ICA1: variants seen among roughly 807,000 people sequenced by gnomAD.
ICA1 encodes the protein 69 kDa islet cell autoantigen.
ICA1 carries 40 observed loss-of-function variants against 71.0 expected under a neutral mutation model. The ratio of observed to expected loss-of-function variants is 0.56; its 90% CI spans 0.44 to 0.73. The LOEUF (loss-of-function observed/expected upper bound fraction) is 0.73. Among genes scored for constraint, ICA1 ranks in the 30% least tolerant of loss-of-function variants. The pLI is 0.00. For synonymous variants in ICA1, 207 were observed against 209.5 expected (o/e 0.99, Z 0.10); for missense variants, 578 against 576.5 (o/e 1.00, Z -0.03).
At chr7:8,179,913 C>G (rs1347744735) in intron 6 of ICA1, among the ~76,000 whole-genome samples, 1 of 152,050 alleles carries the variant, frequency 6.6e-6, no homozygotes, top group African/African-American at 2.4e-5. Flanking sequence ...TTCTAAGTAA[C>G]CATGTTGCTA....
At chr7:8,141,499 C>T (rs912487658) in intron 10 of ICA1, among the ~76,000 whole-genome samples, 7 of 152,184 alleles carry the variant, frequency 4.6e-5, no homozygotes, top group Non-Finnish European at 8.8e-5. Context: ...CAGTTCCCAT[C>T]GTGGCTGCCC....
rs1779513836 is a variant in ICA1, at chr7:8,173,461, C to T, written c.580-14809G>A. On this transcript the variant is annotated intron_variant, in intron 6 of 13. Transcript: ENST00000402384. This position sits in a 1 kb window ranked among gnomAD's most constrained non-coding sequence, Gnocchi z 4.0. ...ACAAATCAACAGAAAAACAAACAAA[C>T]AAAACCCTCACTGGGCACCTGTAGA... 6.6e-6 allele frequency among the ~76,000 whole-genome samples: 1 copy of T among 152,098 alleles called. No individual in the cohort carries two copies. Among genetic ancestry groups the T allele is most frequent in the Non-Finnish European group, 1.5e-5 (1 of 67,990 alleles).
At chr7:8,211,514 A>T (rs1328773074) in intron 6 of ICA1, among the ~76,000 whole-genome samples, 2 of 136,898 alleles carry the variant, frequency 1.5e-5, no homozygotes, top group South Asian at 2.6e-4. Context: ...TCATTTGTTC[A>T]TAGTGCTCTG....
intron 7 of ICA1, 84 bp from the exon 8 acceptor site, chr7:8,157,298 C>A (rs1354628487): frequency 6.4e-6 from 8 of 1,254,730 alleles, no homozygotes; most frequent in Non-Finnish European, 8.8e-6. Flanking sequence ...CTCTCTGTAG[C>A]TTTGAAGATT....
intron 6 of ICA1, among the ~76,000 whole-genome samples, chr7:8,212,738 C>A (rs1025727032): frequency 6.6e-6 from 1 of 152,180 alleles, no homozygotes; most frequent in South Asian, 2.1e-4. Flanking sequence ...TCTGAGGTCA[C>A]GCTCCTTCCT....
intron 1 of ICA1, among the ~76,000 whole-genome samples, chr7:8,250,938 T>G (rs556484441): frequency 6.6e-6 from 1 of 150,408 alleles, no homozygotes; most frequent in Non-Finnish European, 1.5e-5. Flanking sequence ...TCTTGCTCAG[T>G]TGCCCAGGCT....
chr7:8,114,247 C>T, intron 13 of ICA1: 2 of 569,618 alleles, frequency 3.5e-6, no homozygotes, highest in Non-Finnish European at 6.3e-6. Context: ...GGGCCTGAAG[C>T]TCCGAGAATA....
At chr7:8,117,329 C>A (rs1379989919) in intron 13 of ICA1, among the ~76,000 whole-genome samples, 1 of 152,186 alleles carries the variant, frequency 6.6e-6, no homozygotes, top group African/African-American at 2.4e-5. Context: ...TATAATGCCT[C>A]TTGTGCCCTG....
At position 8,144,928 on chromosome 7, in the gene ICA1, T is replaced by C. The variant is rs1398820671; in HGVS notation, c.805-956A>G. ...CTTGTCTGACACACATAGGAGGCAA[T>C]CAGGTTTCATGGCCAATTCTGATTG... On this transcript the variant is annotated intron_variant, in intron 8 of 13. Transcript: ENST00000402384. The surrounding 1 kb of genome is among the most constrained non-coding windows in gnomAD (Gnocchi z 4.5). 6.6e-6 allele frequency among the ~76,000 whole-genome samples: 1 copy of C among 152,142 alleles called. No homozygotes were observed. The highest frequency in any genetic ancestry group is 1.5e-5 in the Non-Finnish European group (1 of 68,032).
At chr7:8,237,071 G>A (rs1400503623) in intron 1 of ICA1, among the ~76,000 whole-genome samples, 1 of 152,228 alleles carries the variant, frequency 6.6e-6, no homozygotes, top group African/African-American at 2.4e-5. Flanking sequence ...CTTCAGGTAT[G>A]CAGACAAGAG....
rs1243877059 is a variant in ICA1, at chr7:8,253,660, T to C, written c.-80+8434A>G. On this transcript the variant is annotated intron_variant, in intron 1 of 13. Coordinates refer to ENST00000402384, the MANE Select transcript of ICA1 (RefSeq NM_001136020.3). ...AGTACATTTTTTGCTTATAATTAAA[T>C]ATAAAGAGAGAAACCTGGCATGAGA... Among the ~76,000 whole-genome samples, 5 of 152,080 alleles carry C rather than the reference T, an allele frequency of 3.3e-5. No individual in the cohort carries two copies. In the East Asian group the frequency reaches 9.6e-4, roughly 29 times the overall value.
intron 6 of ICA1, among the ~76,000 whole-genome samples, chr7:8,169,591 T>C (rs1230269335): frequency 6.6e-6 from 1 of 152,120 alleles, no homozygotes; most frequent in Non-Finnish European, 1.5e-5. Context: ...TTTGCATTTC[T>C]CTAATGACTA....
At position 8,168,658 on chromosome 7, in the gene ICA1, AT is replaced by A. The variant is rs1329449530; in HGVS notation, c.580-10007del. Reference sequence around the variant, plus strand: ...ACATAGCCTGAACAGAGCTTCTATTATCAGAAATCTTGCTAAGTTTCTTTAG... The same window carrying A: ...ACATAGCCTGAACAGAGCTTCTATTACAGAAATCTTGCTAAGTTTCTTTAG... On this transcript the variant is annotated intron_variant, in intron 6 of 13. Transcript: ENST00000402384. Among the ~76,000 whole-genome samples, 3 of 152,324 alleles carry A rather than the reference AT, an allele frequency of 2.0e-5. No homozygotes were observed. The East Asian group carries it at 5.8e-4, about 29-fold the overall frequency.
chr7:8,251,684 C>T (rs994091841), intron 1 of ICA1, among the ~76,000 whole-genome samples: 1 of 151,854 alleles, frequency 6.6e-6, no homozygotes, highest in African/African-American at 2.4e-5. Flanking sequence ...TTGGTGCTCT[C>T]CTCTGTCTCT....
intron 4 of ICA1, chr7:8,227,682 T>C (rs890235469): frequency 1.0e-4 from 43 of 424,398 alleles, no homozygotes; most frequent in Non-Finnish European, 8.9e-5. Flanking sequence ...TATAGGTCAC[T>C]GTGATCCTCC....
At chr7:8,199,063 AAATGGCCTTTAT>A (rs1788648931) in intron 6 of ICA1, among the ~76,000 whole-genome samples, 1 of 152,366 alleles carries the variant, frequency 6.6e-6, no homozygotes, top group Non-Finnish European at 1.5e-5. Flanking sequence ...ACCCCAGTTA[AAATGGCCTTTAT>A]CCAAAAGACA....
intron 6 of ICA1, among the ~76,000 whole-genome samples, chr7:8,218,041 C>CA (rs1052754099): frequency 3.3e-5 from 5 of 152,172 alleles, no homozygotes; most frequent in African/African-American, 9.7e-5. Context: ...GACAATCTTA[C>CA]AAAAAGTGCA....
rs1333879296 is a variant in ICA1, at chr7:8,251,495, A to C, written c.-80+10599T>G. Among the ~76,000 whole-genome samples, 9 of 149,932 alleles carry C rather than the reference A, an allele frequency of 6.0e-5. 1 individual carries two copies. In the Admixed American group the frequency reaches 6.0e-4, roughly 10 times the overall value. On this transcript the variant is annotated intron_variant, in intron 1 of 13. Transcript: ENST00000402384. ...CCAGTCACAAAAATAAAAAACTCAAATTATTTTCAGAGACATTTACATCTA... is the reference window on the plus strand; with the variant it reads ...CCAGTCACAAAAATAAAAAACTCAACTTATTTTCAGAGACATTTACATCTA...
rs564210567 is a variant in ICA1 at position 8,119,167 on chromosome 7, G to C, written c.1331-5123C>G. 3.3e-5 allele frequency among the ~76,000 whole-genome samples: 5 copies of C among 152,310 alleles called. No individual in the cohort carries two copies. In the South Asian group the frequency reaches 1.0e-3, roughly 32 times the overall value. ...CAGGCAGCTGACTCCAAATCTTGCA[G>C]CTTTATGCTCTTCGATCCTATGGTC... On this transcript the variant is annotated intron_variant, in intron 13 of 13. Coordinates refer to ENST00000402384, the MANE Select transcript of ICA1 (RefSeq NM_001136020.3).
Sources: gnomAD v4.1 joint callset for allele counts (sites outside exome capture counted in the v4.1 genomes callset) on GRCh38, gnomAD v4.1.1 for gene constraint, Gnocchi (gnomAD v3.1) non-coding constraint, MANE v1.5 for transcripts, NCBI Gene and HGNC (gene_info 2026-07-23, HGNC 2026-07-21) for gene names.